The following DCP1A variants were observed in gnomAD, a reference collection of about 807,000 sequenced individuals.
The protein encoded by DCP1A is decapping mRNA 1A.
A neutral mutation model predicts 58.0 loss-of-function variants in DCP1A; 20 were observed. That is an observed-to-expected ratio of 0.34 (90% CI 0.24 to 0.50). The LOEUF is 0.50. Among genes scored for constraint, DCP1A ranks in the 20% least tolerant of loss-of-function variants. The probability of loss-of-function intolerance (pLI) is 0.98; values close to 1 mark genes in which losing one functional copy is unlikely to be tolerated. For synonymous variants in DCP1A, 285 were observed against 275.1 expected (o/e 1.04, Z -0.36); for missense variants, 613 against 712.2 (o/e 0.86, Z 1.59).
In DCP1A at chr3:53,292,103, G is replaced by C; in HGVS notation, c.1349C>G (p.Ala450Gly). ...KTAAARVAAS[A>G]SLSNMVLAPL... ...AGCAAGCACCATGTTGCTCAGGGAGGCTGAGGCCGCCACTCTTGCTGCTGC... is the reference window on the plus strand; with the variant it reads ...AGCAAGCACCATGTTGCTCAGGGAGCCTGAGGCCGCCACTCTTGCTGCTGC... Residue 450 changes from alanine to glycine, a missense_variant, in exon 7 of 10, where the codon GCC becomes GGC. Transcript: ENST00000610213. The C allele has an allele frequency of 1.9e-6, 3 of 1,613,416 alleles. No individual in the cohort carries two copies. The highest frequency in any genetic ancestry group is 2.5e-6 in the Non-Finnish European group (3 of 1,179,780).
In DCP1A at chr3:53,292,161, G is replaced by A; in HGVS notation, c.1291C>T (p.Pro431Ser). ...FSPAAGQLAT[P>S]ESFIEPPSKT... ...GAGGGAGGCTCTATGAAGCTCTCAG[G>A]TGTGGCTAGCTGACCAGCTGCCGGA... The change falls in exon 7 of 10, where the codon CCT becomes TCT. Residue 431 changes from proline (P) to serine (S), a missense_variant. This residue lies in a region of DCP1A where 498 missense variants were observed against 556.7 expected (regional missense o/e 0.89). Transcript: ENST00000610213. 1 of 1,613,952 alleles carries A rather than the reference G, an allele frequency of 6.2e-7. No individual in the cohort carries two copies. The highest frequency in any genetic ancestry group is 8.5e-7 in the Non-Finnish European group (1 of 1,179,900).
chr3:53,304,470 T>C (rs1473016353), intron 5 of DCP1A, among the ~76,000 whole-genome samples, 180 bp from the exon 6 acceptor site: 3 of 152,202 alleles, frequency 2.0e-5, no homozygotes, highest in African/African-American at 7.2e-5. Context: ...TTCTAGAACA[T>C]TGAGCACCTA....
At chr3:53,290,454 G>A (rs1385097097) in intron 8 of DCP1A, among the ~76,000 whole-genome samples, 1 of 151,976 alleles carries the variant, frequency 6.6e-6, no homozygotes, top group South Asian at 2.1e-4. Flanking sequence ...CCATGCAGAC[G>A]CCTCGAGATC....
chr3:53,308,955 A>C (rs1158609205), intron 5 of DCP1A, among the ~76,000 whole-genome samples: 1 of 152,152 alleles, frequency 6.6e-6, no homozygotes, highest in African/African-American at 2.4e-5. Context: ...TTTGCAATTA[A>C]ACTAAAACCA....
At chr3:53,312,655 C>T (rs1418399181) in intron 4 of DCP1A, among the ~76,000 whole-genome samples, 1 of 151,942 alleles carries the variant, frequency 6.6e-6, no homozygotes, top group Non-Finnish European at 1.5e-5. Flanking sequence ...CCACCACACC[C>T]GGCTAATGTT....
chr3:53,288,270 G>C lies in DCP1A; in HGVS notation c.1463C>G (p.Pro488Arg), dbSNP rs1172714605. The C allele has an allele frequency of 6.2e-7, 1 of 1,610,228 alleles. No homozygotes were observed. Among genetic ancestry groups the C allele is most frequent in the African/African-American group, 1.3e-5 (1 of 74,978 alleles). Residue 488 changes from proline to arginine, a missense_variant, in exon 9 of 10, where the codon CCA (proline) becomes CGA (arginine). Around this residue, in one of 3 missense-constraint regions of DCP1A, gnomAD observed 498 missense variants for 556.7 expected, o/e 0.89. Coordinates refer to ENST00000610213, the MANE Select transcript of DCP1A (RefSeq NM_018403.7). ...TGCAGTGGTCGTTGCAGTAACCAGTGGGGCGCCTGCAACCTGGAGAGTGAC... is the reference window on the plus strand; with the variant it reads ...TGCAGTGGTCGTTGCAGTAACCAGTCGGGCGCCTGCAACCTGGAGAGTGAC... ...LSSAIPVAGA[P>R]LVTATTTAVS... is the part of the protein sequence containing the mutation.
At chr3:53,318,443 G>C (rs1707874225) in intron 4 of DCP1A, among the ~76,000 whole-genome samples, 1 of 152,178 alleles carries the variant, frequency 6.6e-6, no homozygotes, top group Non-Finnish European at 1.5e-5. Context: ...GATGGGGATG[G>C]TGGAGGGGGG....
chr3:53,337,758 C>A (rs956985360), intron 3 of DCP1A, among the ~76,000 whole-genome samples: 9 of 152,192 alleles, frequency 5.9e-5, no homozygotes, highest in African/African-American at 1.9e-4. Flanking sequence ...AGGTATGGCA[C>A]AACAAAGAGC....
intron 5 of DCP1A, among the ~76,000 whole-genome samples, chr3:53,309,844 C>T (rs1242344752): frequency 2.0e-5 from 3 of 152,212 alleles, no homozygotes; most frequent in Non-Finnish European, 2.9e-5. Context: ...CAGCAGATAG[C>T]GGAGACTCAG....
intron 5 of DCP1A, among the ~76,000 whole-genome samples, chr3:53,311,114 C>T (rs971771117): frequency 6.6e-6 from 1 of 152,154 alleles, no homozygotes; most frequent in Non-Finnish European, 1.5e-5. Context: ...AGTACCTTAA[C>T]TCGTTTTGCC....
At chr3:53,307,346 T>C (rs1354517156) in intron 5 of DCP1A, among the ~76,000 whole-genome samples, 1 of 152,148 alleles carries the variant, frequency 6.6e-6, no homozygotes, top group African/African-American at 2.4e-5. Flanking sequence ...CCCAGATTTG[T>C]AATTTTTAGA....
In DCP1A at chr3:53,292,741, C is replaced by T. The variant is rs1553686335; in HGVS notation, c.711G>A (p.Leu237=). 6.2e-7 allele frequency: 1 copy of T among 1,613,826 alleles called. No homozygotes were observed. Residue 237 remains leucine, a synonymous_variant, in exon 7 of 10, where the codon CTG becomes CTA. Coordinates refer to ENST00000610213, the MANE Select transcript of DCP1A (RefSeq NM_018403.7). ...LPKEQPAVVG[L]DSEEMERLPG... Reference sequence around the variant, plus strand: ...GCAACCTCTCCATTTCTTCTGAATCCAGACCCACAACTGCTGGTTGTTCCT... The same window carrying T: ...GCAACCTCTCCATTTCTTCTGAATCTAGACCCACAACTGCTGGTTGTTCCT...
chr3:53,288,296 A>G lies in DCP1A; in HGVS notation c.1450-13T>C. On this transcript the variant is annotated splice_polypyrimidine_tract_variant and intron_variant, in intron 8 of 9. Coordinates refer to ENST00000610213, the MANE Select transcript of DCP1A (RefSeq NM_018403.7). The stretch of plus-strand genomic sequence containing the variant: ...GGGCGCCTGCAACCTGGAGAGTGAC[A>G]ATGGTCATTTTGTACCGAAGTGCAG... 1.3e-6 allele frequency: 2 copies of G among 1,594,200 alleles called. No homozygotes were observed. The highest frequency in any genetic ancestry group is 1.7e-6 in the Non-Finnish European group (2 of 1,170,044).
intron 3 of DCP1A, chr3:53,329,314 GAAC>G: frequency 2.5e-6 from 1 of 398,424 alleles, no homozygotes; most frequent in Non-Finnish European, 4.4e-6. Context: ...CTATGGAAAT[GAAC>G]CTCCCTACTT....
At position 53,319,220 on chromosome 3, in the gene DCP1A, A is replaced by C. The variant is rs548085115; in HGVS notation, c.371+187T>G. Among the ~76,000 whole-genome samples, 6 of 152,332 alleles carry C rather than the reference A, an allele frequency of 3.9e-5. No homozygotes were observed. The South Asian group carries it at 1.0e-3, about 26-fold the overall frequency. On this transcript the variant is annotated intron_variant, in intron 4 of 9. Transcript: ENST00000610213. ...AGACTGGAAGGAAACTGAAATGCACACTGGGAGGAGTTAAGATAATAATTA... is the reference window on the plus strand; with the variant it reads ...AGACTGGAAGGAAACTGAAATGCACCCTGGGAGGAGTTAAGATAATAATTA...
chr3:53,327,821 AC>A (rs1708153570), intron 3 of DCP1A, among the ~76,000 whole-genome samples: 2 of 134,798 alleles, frequency 1.5e-5, no homozygotes, highest in South Asian at 4.7e-4. Flanking sequence ...CAACAAAAAA[AC>A]AACAACAACA....
Position 53,312,243 on chromosome 3 carries a change from T to C in DCP1A, c.508A>G (p.Arg170Gly). The C allele has an allele frequency of 6.2e-7, 1 of 1,601,190 alleles. No individual in the cohort carries two copies. The highest frequency in any genetic ancestry group is 8.5e-7 in the Non-Finnish European group (1 of 1,174,364). Residue 170 changes from arginine to glycine, a missense_variant and splice_region_variant, in exon 5 of 10, where the codon AGG becomes GGG. This residue lies in a region of DCP1A where 498 missense variants were observed against 556.7 expected (regional missense o/e 0.89). Coordinates refer to ENST00000610213, the MANE Select transcript of DCP1A (RefSeq NM_018403.7). ...MLSRAKDEYE[R>G]NQMGDSNISS... ...CCCAAGTACCCAGAGAGCCTCACCC[T>C]CTCATACTCATCCTTGGCTCTGCTC...
chr3:53,330,368 C>T (rs567511159), intron 3 of DCP1A, among the ~76,000 whole-genome samples: 2 of 152,032 alleles, frequency 1.3e-5, no homozygotes, highest in African/African-American at 4.8e-5. Flanking sequence ...CCTATCACTA[C>T]AAAAAATTTG....
At chr3:53,305,360 T>G (rs1244480756) in intron 5 of DCP1A, among the ~76,000 whole-genome samples, 1 of 152,040 alleles carries the variant, frequency 6.6e-6, no homozygotes, top group Middle Eastern at 3.2e-3. Flanking sequence ...TTTTTCTTTT[T>G]TTTTTTTGAG....
Sources: gnomAD v4.1 joint callset for allele counts (sites outside exome capture counted in the v4.1 genomes callset) on GRCh38, gnomAD v4.1.1 for gene constraint, gnomAD v4.1.1 regional missense constraint, MANE v1.5 for transcripts, NCBI Gene and HGNC (gene_info 2026-07-23, HGNC 2026-07-21) for gene names.